Variants in G3BP1 observed in about 807,000 individuals in gnomAD.
The protein encoded by G3BP1 is G3BP stress granule assembly factor 1.
In G3BP1, 35 loss-of-function variants were observed where a neutral mutation model predicts 58.6. The observed-to-expected ratio is 0.60, with a 90% CI of 0.46 to 0.79. The LOEUF is 0.79. Ranked by LOEUF, G3BP1 falls within the 30% of genes least tolerant of loss-of-function variation. G3BP1 has a pLI of 0.00. For synonymous variants in G3BP1, 191 were observed against 195.4 expected (o/e 0.98, Z 0.19); for missense variants, 523 against 580.8 (o/e 0.90, Z 1.02).
At chr5:151,775,431 A>T (rs1242193160) in intron 1 of G3BP1, among the ~76,000 whole-genome samples, 1 of 152,244 alleles carries the variant, frequency 6.6e-6, no homozygotes, top group African/African-American at 2.4e-5. Flanking sequence ...GAGCTCTGAA[A>T]CCGAATTGTC....
Position 151,811,170 on chromosome 5 carries a change from C to G in G3BP1, c.*7079C>G, listed in dbSNP as rs1763013669. On this transcript the variant is annotated 3_prime_UTR_variant, in exon 12 of 12. Transcript: ENST00000356245. The stretch of plus-strand genomic sequence containing the variant: ...GTAGTCTCTCAGCTTCACTTAACCT[C>G]TTACTCCAGCCTACTTTATACACAA... The G allele has an allele frequency of 6.6e-6, 1 of 152,178 alleles. No homozygotes were observed. The highest frequency in any genetic ancestry group is 1.5e-5 in the Non-Finnish European group (1 of 68,042). The allele number at this position is 152,178 out of a possible 1,614,324, so 9.4% of individuals were successfully genotyped here.
At chr5:151,796,568 A>C (rs758824901) in intron 6 of G3BP1, among the ~76,000 whole-genome samples, 52 of 152,170 alleles carry the variant, frequency 3.4e-4, no homozygotes, top group African/African-American at 1.2e-3. Context: ...CCCCCTCTGC[A>C]GTTTTAACAG....
rs1210503956 is a variant in G3BP1 at position 151,810,129 on chromosome 5, T to C, written c.*6038T>C. On this transcript the variant is annotated 3_prime_UTR_variant, in exon 12 of 12. Transcript: ENST00000356245. ...CCCTGTTTAGTGCCTGGCAATGCCATGTTTATATCAAGGTCTTAATATTAC... is the reference window on the plus strand; with the variant it reads ...CCCTGTTTAGTGCCTGGCAATGCCACGTTTATATCAAGGTCTTAATATTAC... The C allele has an allele frequency of 3.3e-5, 5 of 152,244 alleles. No homozygotes were observed. The highest frequency in any genetic ancestry group is 9.6e-5 in the African/African-American group (4 of 41,468). The allele number at this position is 152,244 out of a possible 1,614,324, so 9.4% of individuals were successfully genotyped here.
chr5:151,773,077 C>T (rs771417776), intron 1 of G3BP1, among the ~76,000 whole-genome samples: 2 of 152,230 alleles, frequency 1.3e-5, no homozygotes, highest in South Asian at 2.1e-4. Context: ...GGACTGTGTT[C>T]CTCATCGGGT....
At chr5:151,780,284 C>G (rs930224189) in intron 1 of G3BP1, among the ~76,000 whole-genome samples, 2 of 152,142 alleles carry the variant, frequency 1.3e-5, no homozygotes, top group Admixed American at 1.3e-4. Flanking sequence ...TTGGGTTACT[C>G]TTTTAGTGAT....
At chr5:151,789,867 G>A (rs1762619410) in intron 2 of G3BP1, among the ~76,000 whole-genome samples, 1 of 152,194 alleles carries the variant, frequency 6.6e-6, no homozygotes, top group Admixed American at 6.5e-5. Context: ...TGCATACAAA[G>A]ATGAAAAAGA....
intron 7 of G3BP1, 90 bp from the exon 8 acceptor site, chr5:151,799,122 G>T: frequency 2.7e-6 from 2 of 734,832 alleles, no homozygotes; most frequent in East Asian, 5.1e-5. Flanking sequence ...ATGTGTTACC[G>T]TTTGTTCTGT....
intron 4 of G3BP1, among the ~76,000 whole-genome samples, chr5:151,792,980 A>T (rs996621743): frequency 2.0e-5 from 3 of 152,048 alleles, no homozygotes; most frequent in Non-Finnish European, 4.4e-5. Context: ...ATATAATTGG[A>T]TCTGCACTCA....
At position 151,797,148 on chromosome 5, in the gene G3BP1, T is replaced by C. The variant is rs551160314; in HGVS notation, c.540-79T>C. 1.8e-5 allele frequency: 25 copies of C among 1,387,362 alleles called. No homozygotes were observed. The Admixed American group carries it at 2.4e-4, about 13-fold the overall frequency. 85.9% of individuals were successfully genotyped at this position (1,387,362 alleles called of 1,614,324 possible). Reference sequence around the variant, plus strand: ...AAGGAGCTAACTCTGTGTTCTGGTTTCTGATTAATAAATGATGGAGGAATT... The same window carrying C: ...AAGGAGCTAACTCTGTGTTCTGGTTCCTGATTAATAAATGATGGAGGAATT... On this transcript the variant is annotated intron_variant, in intron 6 of 11. Coordinates refer to ENST00000356245, the MANE Select transcript of G3BP1 (RefSeq NM_005754.3).
rs143468056 is a variant in G3BP1, at chr5:151,803,054, T to C, written c.1195-831T>C. On this transcript the variant is annotated intron_variant, in intron 11 of 11. Transcript: ENST00000356245. Reference sequence around the variant, plus strand: ...GCTGGTGAAGAGCATAAATTGAATATATTGAAATGTTTCGTAGCCCCTTAA... The same window carrying C: ...GCTGGTGAAGAGCATAAATTGAATACATTGAAATGTTTCGTAGCCCCTTAA... 2.0e-5 allele frequency among the ~76,000 whole-genome samples: 3 copies of C among 152,342 alleles called. No homozygotes were observed. The East Asian group carries it at 5.8e-4, about 29-fold the overall frequency.
rs940474869 is a variant in G3BP1 at position 151,811,678 on chromosome 5, A to G, written c.*7587A>G. ...TAACTGCCATAACTTTTGTGACTTC[A>G]TGCAAAAAAAGGGGGGAAGAGTAAG... On this transcript the variant is annotated 3_prime_UTR_variant, in exon 12 of 12. Coordinates refer to ENST00000356245, the MANE Select transcript of G3BP1 (RefSeq NM_005754.3). The G allele has an allele frequency of 1.3e-5, 2 of 151,686 alleles. No homozygotes were observed. The highest frequency in any genetic ancestry group is 2.9e-5 in the Non-Finnish European group (2 of 67,938). The allele number at this position is 151,686 out of a possible 1,614,324, so 9.4% of individuals were successfully genotyped here.
intron 6 of G3BP1, 69 bp from the exon 7 acceptor site, chr5:151,797,154 TAATA>T: frequency 6.9e-7 from 1 of 1,446,376 alleles, no homozygotes. Context: ...GGTTTCTGAT[TAATA>T]AATGATGGAG....
At chr5:151,783,430 CAG>C (rs1313648790) in intron 1 of G3BP1, among the ~76,000 whole-genome samples, 59 of 149,158 alleles carry the variant, frequency 4.0e-4, no homozygotes, top group Non-Finnish European at 1.0e-4. Context: ...TTTTGTAAGG[CAG>C]AGTCTTGCTC....
intron 4 of G3BP1, among the ~76,000 whole-genome samples, chr5:151,793,702 C>T (rs1762698080): frequency 6.6e-6 from 1 of 151,796 alleles, no homozygotes; most frequent in Non-Finnish European, 1.5e-5. Flanking sequence ...GTAGTGAATA[C>T]TGAAATGTCA....
At position 151,804,495 on chromosome 5, in the gene G3BP1, G is replaced by T. The variant is rs768220645; in HGVS notation, c.*404G>T. Reference sequence around the variant, plus strand: ...TTCTTATTTTCTACGTGTTTGAAAAGCCTGTAAGAAATACAGGATTTGATA... The same window carrying T: ...TTCTTATTTTCTACGTGTTTGAAAATCCTGTAAGAAATACAGGATTTGATA... On this transcript the variant is annotated 3_prime_UTR_variant, in exon 12 of 12. Coordinates refer to ENST00000356245, the MANE Select transcript of G3BP1 (RefSeq NM_005754.3). 56 of 155,428 alleles carry T rather than the reference G, an allele frequency of 3.6e-4. No homozygotes were observed. The highest frequency in any genetic ancestry group is 5.7e-4 in the Non-Finnish European group (40 of 70,392). The allele number at this position is 155,428 out of a possible 1,614,324, so 9.6% of individuals were successfully genotyped here.
In G3BP1 at chr5:151,811,241, T is replaced by C. The variant is rs1448192165; in HGVS notation, c.*7150T>C. 6.6e-6 allele frequency: 1 copy of C among 152,236 alleles called. No homozygotes were observed. The highest frequency in any genetic ancestry group is 1.5e-5 in the Non-Finnish European group (1 of 68,040). The allele number at this position is 152,236 out of a possible 1,614,324, so 9.4% of individuals were successfully genotyped here. A position where few individuals can be genotyped will look rare whatever the true frequency, so the allele number is the denominator to read the frequency against. On this transcript the variant is annotated 3_prime_UTR_variant, in exon 12 of 12. Coordinates refer to ENST00000356245, the MANE Select transcript of G3BP1 (RefSeq NM_005754.3). Reference sequence around the variant, plus strand: ...AACATAGTTCTGACCATGTATTCCATGTATGTGTTCTCTCTCCCCTATTAG... The same window carrying C: ...AACATAGTTCTGACCATGTATTCCACGTATGTGTTCTCTCTCCCCTATTAG...
chr5:151,774,204 T>C (rs977819215), intron 1 of G3BP1, among the ~76,000 whole-genome samples: 4 of 152,258 alleles, frequency 2.6e-5, no homozygotes, highest in African/African-American at 9.6e-5. Context: ...TTGTACCTCT[T>C]ACAGGTAGAA....
chr5:151,792,500 A>G (rs552779989), intron 4 of G3BP1, among the ~76,000 whole-genome samples: 2 of 152,330 alleles, frequency 1.3e-5, no homozygotes, highest in South Asian at 4.1e-4. Flanking sequence ...AGGTTTAATT[A>G]CAGTTTTTTT....
At chr5:151,795,105 A>T (rs1436614108) in intron 5 of G3BP1, among the ~76,000 whole-genome samples, 1 of 152,104 alleles carries the variant, frequency 6.6e-6, no homozygotes, top group African/African-American at 2.4e-5. Flanking sequence ...GTGAAACCCC[A>T]TCTCTACTAA....
Sources: allele counts gnomAD v4.1 joint callset (sites outside exome capture counted in the v4.1 genomes callset), GRCh38; gene constraint gnomAD v4.1.1; transcripts MANE v1.5; gene names NCBI Gene and HGNC (gene_info 2026-07-23, HGNC 2026-07-21).